The following PEPD variants were observed in gnomAD, a reference collection of about 807,000 sequenced individuals.
PEPD encodes xaa-Pro dipeptidase.
A neutral mutation model predicts 60.7 loss-of-function variants in PEPD; 53 were observed. The ratio of observed to expected loss-of-function variants is 0.87; its 90% CI spans 0.70 to 1.10. The LOEUF (loss-of-function observed/expected upper bound fraction) is 1.10, where lower values mean the gene tolerates loss of function less well. Ranked by LOEUF, PEPD falls within the 50% of genes least tolerant of loss-of-function variation. The probability of loss-of-function intolerance (pLI) is 0.00; values close to 1 mark genes in which losing one functional copy is unlikely to be tolerated. For missense variants in PEPD, 711 were observed against 711.9 expected (o/e 1.00, Z 0.01); for synonymous variants, 267 against 284.1 (o/e 0.94, Z 0.60).
At chr19:33,416,671 G>A (rs1379687743) in intron 9 of PEPD, among the ~76,000 whole-genome samples, 2 of 152,232 alleles carry the variant, frequency 1.3e-5, no homozygotes, top group Admixed American at 6.5e-5. Context: ...CCCAGCCAAC[G>A]ACATCCCGGC....
At chr19:33,455,068 AT>A (rs1261115107) in intron 9 of PEPD, among the ~76,000 whole-genome samples, 2 of 152,364 alleles carry the variant, frequency 1.3e-5, no homozygotes, top group Non-Finnish European at 2.9e-5. Flanking sequence ...AGATGTGACA[AT>A]GGAACGTGAT....
intron 11 of PEPD, among the ~76,000 whole-genome samples, chr19:33,402,913 G>A (rs1164474283): frequency 6.6e-6 from 1 of 152,212 alleles, no homozygotes; most frequent in East Asian, 1.9e-4. Flanking sequence ...TGGATGCCCT[G>A]TAAGAGGGAC....
At chr19:33,483,403 C>A (rs1970343639) in intron 6 of PEPD, among the ~76,000 whole-genome samples, 1 of 152,196 alleles carries the variant, frequency 6.6e-6, no homozygotes, top group African/African-American at 2.4e-5. Context: ...ACATCTCTGA[C>A]ACAAGAGAAC....
intron 1 of PEPD, among the ~76,000 whole-genome samples, chr19:33,515,295 C>T (rs937827469): frequency 7.2e-5 from 11 of 152,132 alleles, no homozygotes; most frequent in African/African-American, 2.7e-4. Context: ...CAGAAGCAGC[C>T]GCACATGCTG....
At chr19:33,516,644 G>T (rs182412591) in intron 1 of PEPD, among the ~76,000 whole-genome samples, 1 of 152,000 alleles carries the variant, frequency 6.6e-6, no homozygotes. Flanking sequence ...CCACGTGCAG[G>T]GCTCTTACCT....
At chr19:33,431,501 C>T (rs1328649692) in intron 9 of PEPD, among the ~76,000 whole-genome samples, 2 of 152,204 alleles carry the variant, frequency 1.3e-5, no homozygotes, top group African/African-American at 2.4e-5. Context: ...TGAAATTCCA[C>T]TCTCGATGTT....
Position 33,411,685 on chromosome 19 carries a change from T to C in PEPD, c.805A>G (p.Asn269Asp). The change falls in exon 11 of 15, where the codon AAT becomes GAT. Residue 269 changes from asparagine (N) to aspartate (D), a missense_variant. Asn to Asp is a conservative substitution (Grantham distance 23). Coordinates refer to ENST00000244137, the MANE Select transcript of PEPD (RefSeq NM_000285.4). Reference sequence around the variant, plus strand: ...GGCCCTACTTACCACATATCCCCATTCTGGATCGTTCGGTCGTTGGGAGCT... The same window carrying C: ...GGCCCTACTTACCACATATCCCCATCCTGGATCGTTCGGTCGTTGGGAGCT... ...AGAPNDRTIQ[N>D]GDMCLFDMGG... The C allele has an allele frequency of 6.2e-7, 1 of 1,604,952 alleles. No homozygotes were observed. The highest frequency in any genetic ancestry group is 8.5e-7 in the Non-Finnish European group (1 of 1,172,006).
chr19:33,507,343 A>G (rs2145347205), intron 3 of PEPD, among the ~76,000 whole-genome samples: 1 of 152,276 alleles, frequency 6.6e-6, no homozygotes, highest in Admixed American at 6.5e-5. Flanking sequence ...ATGCTCTCAC[A>G]TCAAAAAGAC....
In PEPD at chr19:33,401,933, C is replaced by T. The variant is rs950221634; in HGVS notation, c.819-64G>A. 45 of 1,523,174 alleles carry T rather than the reference C, an allele frequency of 3.0e-5. 1 individual carries two copies. The South Asian group carries it at 5.2e-4, about 18-fold the overall frequency. The allele number at this position is 1,523,174 out of a possible 1,614,324, so 94.4% of individuals were successfully genotyped here. ...TGCCACCGCCCCCTTACCCTTACCG[C>T]TCCCCACCTGCCCTGGACTCGAGGG... On this transcript the variant is annotated intron_variant, in intron 11 of 14. Coordinates refer to ENST00000244137, the MANE Select transcript of PEPD (RefSeq NM_000285.4).
chr19:33,482,384 A>G (rs1970326444), intron 6 of PEPD, among the ~76,000 whole-genome samples: 1 of 152,228 alleles, frequency 6.6e-6, no homozygotes, highest in Non-Finnish European at 1.5e-5. Flanking sequence ...AAACTGATAA[A>G]ATCAAACACC....
chr19:33,477,546 C>T (rs1352774325), intron 7 of PEPD, among the ~76,000 whole-genome samples: 1 of 152,192 alleles, frequency 6.6e-6, no homozygotes, highest in African/African-American at 2.4e-5. Flanking sequence ...GAGGTGGCGC[C>T]CAGCATAAGA....
chr19:33,494,711 G>C (rs182514797), intron 4 of PEPD, among the ~76,000 whole-genome samples: 77 of 152,322 alleles, frequency 5.1e-4, no homozygotes, highest in African/African-American at 1.8e-3. Context: ...AACCACACGG[G>C]GAGACAGTGC....
At chr19:33,498,497 A>C (rs1047008944) in intron 4 of PEPD, among the ~76,000 whole-genome samples, 1 of 152,130 alleles carries the variant, frequency 6.6e-6, no homozygotes, top group Non-Finnish European at 1.5e-5. Context: ...ATAAAGACAA[A>C]AATGTCAGAC....
chr19:33,386,988 G>C lies in PEPD; in HGVS notation c.*356C>G. On this transcript the variant is annotated 3_prime_UTR_variant, in exon 15 of 15. Transcript: ENST00000244137. ...AACCTTTTATTGCAAATGCCATTCTGCATATTGATTTTTGACAGAAAGTAT... is the reference window on the plus strand; with the variant it reads ...AACCTTTTATTGCAAATGCCATTCTCCATATTGATTTTTGACAGAAAGTAT... The C allele has an allele frequency of 3.3e-6, 1 of 307,064 alleles. No individual in the cohort carries two copies. The highest frequency in any genetic ancestry group is 6.1e-6 in the Non-Finnish European group (1 of 163,784). 19.0% of individuals were successfully genotyped at this position (307,064 alleles called of 1,614,324 possible). A position where few individuals can be genotyped will look rare whatever the true frequency, so the allele number is the denominator to read the frequency against.
intron 7 of PEPD, among the ~76,000 whole-genome samples, chr19:33,469,546 C>T (rs568706454): frequency 1.1e-4 from 16 of 152,314 alleles, no homozygotes; most frequent in African/African-American, 3.8e-4. Context: ...CCTCCAAACT[C>T]CCAGGACTCC....
At chr19:33,451,473 A>G (rs1217890342) in intron 9 of PEPD, among the ~76,000 whole-genome samples, 1 of 152,218 alleles carries the variant, frequency 6.6e-6, no homozygotes, top group African/African-American at 2.4e-5. Context: ...TATAAAAGTG[A>G]GCAAAGGAAA....
At chr19:33,417,798 G>C (rs1167169129) in intron 9 of PEPD, among the ~76,000 whole-genome samples, 9 of 152,144 alleles carry the variant, frequency 5.9e-5, no homozygotes, top group Admixed American at 5.9e-4. Context: ...ACAGCCTCTT[G>C]ACTATTCCTT....
intron 7 of PEPD, among the ~76,000 whole-genome samples, chr19:33,472,320 CCT>C (rs1023325443): frequency 3.9e-5 from 6 of 152,246 alleles, no homozygotes; most frequent in African/African-American, 1.4e-4. Context: ...AGCATAAGAC[CCT>C]GTCTCTAAAA....
chr19:33,488,137 C>T (rs1024412759), intron 6 of PEPD, among the ~76,000 whole-genome samples: 2 of 152,112 alleles, frequency 1.3e-5, no homozygotes, highest in African/African-American at 4.8e-5. Flanking sequence ...AGAAGGCCCT[C>T]GACTCACTGA....
Sources: gnomAD v4.1 joint callset for allele counts (sites outside exome capture counted in the v4.1 genomes callset) on GRCh38, gnomAD v4.1.1 for gene constraint, MANE v1.5 for transcripts, NCBI Gene and HGNC (gene_info 2026-07-23, HGNC 2026-07-21) for gene names.